DAPK1: variants seen among roughly 807,000 people sequenced by gnomAD.
DAPK1 encodes death-associated protein kinase 1.
Under a neutral mutation model 144.9 loss-of-function variants are expected in DAPK1, and 56 were observed. That is an observed-to-expected ratio of 0.39 (90% CI 0.31 to 0.48). The LOEUF (loss-of-function observed/expected upper bound fraction) is 0.48, where lower values mean the gene tolerates loss of function less well. Among genes scored for constraint, DAPK1 ranks in the 20% least tolerant of loss-of-function variants. The pLI, the probability that DAPK1 is intolerant of heterozygous loss-of-function variation, is 0.95. For missense variants in DAPK1, 1,454 were observed against 1,875.4 expected (o/e 0.78, Z 4.15); for synonymous variants, 690 against 749.0 (o/e 0.92, Z 1.29).
intron 2 of DAPK1, among the ~76,000 whole-genome samples, chr9:87,573,000 AT>A (rs1371300734): frequency 2.0e-5 from 3 of 152,190 alleles, no homozygotes; most frequent in African/African-American, 7.2e-5. Context: ...CCAGATGCTG[AT>A]TCTGAAGACA....
intron 4 of DAPK1, 94 bp downstream of exon 4, chr9:87,638,175 A>G (rs995624426): frequency 2.3e-6 from 3 of 1,331,872 alleles, no homozygotes; most frequent in Non-Finnish European, 3.1e-6. Flanking sequence ...TGAAAGAGTT[A>G]CATGATTTTC....
At chr9:87,500,275 A>G (rs1269264306) in intron 2 of DAPK1, among the ~76,000 whole-genome samples, 1 of 152,214 alleles carries the variant, frequency 6.6e-6, no homozygotes, top group African/African-American at 2.4e-5. Context: ...GAAAACATAG[A>G]TGGGGGCCTG....
intron 2 of DAPK1, among the ~76,000 whole-genome samples, chr9:87,570,373 T>C (rs1209722192): frequency 6.6e-6 from 1 of 152,234 alleles, no homozygotes; most frequent in African/African-American, 2.4e-5. Flanking sequence ...AGAAAAATTA[T>C]GTTTAGGGAA....
chr9:87,600,524 T>G (rs572230133), intron 2 of DAPK1, among the ~76,000 whole-genome samples: 1 of 152,002 alleles, frequency 6.6e-6, no homozygotes, highest in East Asian at 1.9e-4. Flanking sequence ...GCTCGGGAGG[T>G]CAAGGCTGCA....
intron 17 of DAPK1, among the ~76,000 whole-genome samples, chr9:87,652,690 C>G (rs71489455): frequency 1.4e-5 from 2 of 138,932 alleles, no homozygotes; most frequent in Non-Finnish European, 3.1e-5. Flanking sequence ...GATTCTGTGT[C>G]CTCTCACCTG....
intron 3 of DAPK1, among the ~76,000 whole-genome samples, chr9:87,634,117 G>A (rs1237168299): frequency 6.6e-6 from 1 of 152,186 alleles, no homozygotes; most frequent in East Asian, 1.9e-4. Context: ...AAGTTTTATT[G>A]GAACACAGCC....
At chr9:87,599,363 G>C (rs1272680211) in intron 2 of DAPK1, among the ~76,000 whole-genome samples, 1 of 152,176 alleles carries the variant, frequency 6.6e-6, no homozygotes, top group Non-Finnish European at 1.5e-5. Flanking sequence ...ATATGATCCT[G>C]GTTACAGTTT....
Position 87,708,626 on chromosome 9 carries a change from G to A in DAPK1, c.*1262G>A, listed in dbSNP as rs1457299031. On this transcript the variant is annotated 3_prime_UTR_variant, in exon 26 of 26. Transcript: ENST00000408954. ...TTTTTTTATAAATAAACTGTTGCTC[G>A]TTGCATTAGTTTTTTTGATCTTTAA... 2 of 151,966 alleles carry A rather than the reference G, an allele frequency of 1.3e-5. No homozygotes were observed. The highest frequency in any genetic ancestry group is 2.9e-5 in the Non-Finnish European group (2 of 67,956). The allele number at this position is 151,966 out of a possible 1,614,324, so 9.4% of individuals were successfully genotyped here. A position where few individuals can be genotyped will look rare whatever the true frequency, so the allele number is the denominator to read the frequency against.
intron 2 of DAPK1, among the ~76,000 whole-genome samples, chr9:87,596,062 A>G (rs1828305718): frequency 6.6e-6 from 1 of 152,040 alleles, no homozygotes; most frequent in Non-Finnish European, 1.5e-5. Context: ...GGGCAGAAAG[A>G]GAATAACTCC....
In DAPK1 at chr9:87,698,763, G is replaced by A; in HGVS notation, c.2719G>A (p.Asp907Asn). The change falls in exon 23 of 26, where the codon GAC (aspartate) becomes AAC (asparagine). Residue 907 changes from aspartate (D) to asparagine (N), a missense_variant. Around this residue, in one of 2 missense-constraint regions of DAPK1, gnomAD observed 1,025 missense variants for 1,237.9 expected, o/e 0.83. Coordinates refer to ENST00000408954, the MANE Select transcript of DAPK1 (RefSeq NM_004938.4). ...TGGAGGCGAGTTTGGATATGACAAA[G>A]ACACATCGTTGCTGAAAGAGATTAG... ...PAGGEFGYDK[D>N]TSLLKEIRNR... The A allele has an allele frequency of 1.2e-6, 2 of 1,608,246 alleles. No homozygotes were observed. Among genetic ancestry groups the A allele is most frequent in the Non-Finnish European group, 8.5e-7 (1 of 1,174,616 alleles).
At position 87,691,675 on chromosome 9, in the gene DAPK1, G is replaced by A. The variant is rs61685337; in HGVS notation, c.2413+4936G>A. ...TGCTTTGGCTGTAGGTTTTGGTCTT[G>A]TGCTTTGATTTTCATTTGTTTCAAG... On this transcript the variant is annotated intron_variant, in intron 21 of 25. Transcript: ENST00000408954. 1.1e-3 allele frequency among the ~76,000 whole-genome samples: 160 copies of A among 151,962 alleles called. 5 individuals are homozygous for A. In the East Asian group the frequency reaches 0.024, roughly 23 times the overall value.
chr9:87,525,416 A>G, intron 2 of DAPK1: 1 of 1,611,174 alleles, frequency 6.2e-7, no homozygotes. Flanking sequence ...TGGCCTCAAT[A>G]TGTGCCGCCA....
At chr9:87,623,940 C>T (rs1215917265) in intron 3 of DAPK1, among the ~76,000 whole-genome samples, 1 of 152,156 alleles carries the variant, frequency 6.6e-6, no homozygotes, top group East Asian at 1.9e-4. Context: ...CTGATAATTG[C>T]CATTCACTGA....
At chr9:87,620,558 AGTAGGG>A (rs1249165204) in intron 3 of DAPK1, among the ~76,000 whole-genome samples, 3 of 117,212 alleles carry the variant, frequency 2.6e-5, no homozygotes, top group Non-Finnish European at 5.3e-5. Flanking sequence ...GAAGAGAAGG[AGTAGGG>A]GGAGGGGGAG....
At chr9:87,612,097 T>C (rs996145497) in intron 3 of DAPK1, among the ~76,000 whole-genome samples, 2 of 152,162 alleles carry the variant, frequency 1.3e-5, no homozygotes, top group Non-Finnish European at 2.9e-5. Flanking sequence ...CCAGGAGCCC[T>C]TTTTTAAAGG....
intron 3 of DAPK1, among the ~76,000 whole-genome samples, chr9:87,624,939 G>A (rs1004298409): frequency 5.3e-5 from 8 of 152,236 alleles, no homozygotes; most frequent in South Asian, 2.1e-4. Flanking sequence ...AGGCCACAGC[G>A]TGGTTGGCGT....
intron 2 of DAPK1, among the ~76,000 whole-genome samples, chr9:87,503,495 A>G (rs944219927): frequency 6.6e-6 from 1 of 152,172 alleles, no homozygotes; most frequent in East Asian, 1.9e-4. Flanking sequence ...ACCACATTGC[A>G]TAGTAACTGC....
At chr9:87,529,123 C>G (rs10780852) in intron 2 of DAPK1, among the ~76,000 whole-genome samples, 11 of 151,994 alleles carry the variant, frequency 7.2e-5, no homozygotes, top group African/African-American at 2.7e-4. Flanking sequence ...CCCCAGAAGT[C>G]TGACAACATG....
At chr9:87,553,052 TCTC>T (rs1488557350) in intron 2 of DAPK1, among the ~76,000 whole-genome samples, 3 of 152,176 alleles carry the variant, frequency 2.0e-5, no homozygotes, top group East Asian at 1.9e-4. Context: ...TACATTTCCT[TCTC>T]CTCCTAGCCC....
Sources: allele counts gnomAD v4.1 joint callset (sites outside exome capture counted in the v4.1 genomes callset), GRCh38; gene constraint gnomAD v4.1.1; regional missense constraint gnomAD v4.1.1; transcripts MANE v1.5; gene names NCBI Gene and HGNC (gene_info 2026-07-23, HGNC 2026-07-21).